The following PLCE1 variants were observed in gnomAD, a reference collection of about 807,000 sequenced individuals.
PLCE1 encodes the protein phospholipase C epsilon 1, also known as 1-phosphatidylinositol 4,5-bisphosphate phosphodiesterase epsilon-1.
A neutral mutation model predicts 242.8 loss-of-function variants in PLCE1; 119 were observed. That is an observed-to-expected ratio of 0.49 (90% CI 0.42 to 0.57). The LOEUF is 0.57. PLCE1 is among the 20% of genes least tolerant of loss of function. The probability of loss-of-function intolerance (pLI) is 0.00; values close to 1 mark genes in which losing one functional copy is unlikely to be tolerated. For missense variants in PLCE1, 2,441 were observed against 2,788.8 expected, an observed-to-expected ratio of 0.88 and a Z score of 2.81; for synonymous variants, 945 against 1,017.4, an observed-to-expected ratio of 0.93 and a Z score of 1.35.
chr10:94,101,697 G>T (rs1307466912), intron 2 of PLCE1, among the ~76,000 whole-genome samples: 1 of 152,202 alleles, frequency 6.6e-6, no homozygotes, highest in African/African-American at 2.4e-5. Context: ...GCAGGAGTGA[G>T]TCAGAGAGCC....
At chr10:94,223,275 G>A (rs1365626499) in intron 4 of PLCE1, among the ~76,000 whole-genome samples, 1 of 149,136 alleles carries the variant, frequency 6.7e-6, no homozygotes, top group Non-Finnish European at 1.5e-5. Flanking sequence ...TGATGGGGAA[G>A]CCTTCCTGCA....
intron 4 of PLCE1, among the ~76,000 whole-genome samples, chr10:94,225,668 A>T (rs1231826791): frequency 6.6e-6 from 1 of 152,190 alleles, no homozygotes; most frequent in Non-Finnish European, 1.5e-5. Context: ...GTCAACTTTC[A>T]CCAGATGAAA....
chr10:94,140,962 T>A (rs903118010), intron 3 of PLCE1, among the ~76,000 whole-genome samples: 1 of 152,364 alleles, frequency 6.6e-6, no homozygotes, highest in Admixed American at 6.5e-5. Context: ...CTATGGCACC[T>A]AAGAATGGAG....
At chr10:94,309,701 T>G (rs1334673024) in intron 27 of PLCE1, among the ~76,000 whole-genome samples, 1 of 152,178 alleles carries the variant, frequency 6.6e-6, no homozygotes, top group African/African-American at 2.4e-5. Flanking sequence ...TGAGGACACT[T>G]GGACCATGGC....
At chr10:93,995,947 T>C (rs562973929) in intron 1 of PLCE1, among the ~76,000 whole-genome samples, 2 of 152,376 alleles carry the variant, frequency 1.3e-5, no homozygotes, top group East Asian at 1.9e-4. Context: ...TTGTATACTT[T>C]AAAAAAACTG....
chr10:94,319,864 C>CTTTTTTTTTTTTTTTTTTTTTTTTT (rs58610099), intron 29 of PLCE1, among the ~76,000 whole-genome samples: 6 of 92,938 alleles, frequency 6.5e-5, no homozygotes, highest in African/African-American at 1.1e-4. Flanking sequence ...CAAAGGTGCT[C>CTTTTTTTTTTTTTTTTTTTTTTTTT]TTTTTTTTTT....
chr10:94,265,883 C>T lies in PLCE1; in HGVS notation c.4206C>T (p.Tyr1402=). The stretch of plus-strand genomic sequence containing the variant: ...TGCAGCTACCCCTCTCATACTATTA[C>T]ATCGAATCTTCGCACAATACCTACC... ...KELQLPLSYY[Y]IESSHNTYLT... The change falls in exon 16 of 33, where the codon TAC becomes TAT. Residue 1402 remains tyrosine, a synonymous_variant. Coordinates refer to ENST00000371380, the MANE Select transcript of PLCE1 (RefSeq NM_016341.4). 1 of 1,614,044 alleles carries T rather than the reference C, an allele frequency of 6.2e-7. No individual in the cohort carries two copies. The highest frequency in any genetic ancestry group is 2.2e-5 in the East Asian group (1 of 44,870).
rs772621903 is a variant in PLCE1, at chr10:94,171,218, C to T, written c.1531C>T (p.Leu511Phe). 1.2e-5 allele frequency: 19 copies of T among 1,614,080 alleles called. No individual in the cohort carries two copies. The highest frequency in any genetic ancestry group is 5.3e-5 in the African/African-American group (4 of 74,928). The change falls in exon 4 of 33, where the codon CTC becomes TTC. Residue 511 changes from leucine to phenylalanine, a missense_variant. Physicochemically the swap from Leu to Phe is conservative, Grantham distance 22. This residue lies in a region of PLCE1 where 733 missense variants were observed against 754.2 expected (regional missense o/e 0.97). Coordinates refer to ENST00000371380, the MANE Select transcript of PLCE1 (RefSeq NM_016341.4). ...CCCCTCTGTGGCCAATTCCAATGCC[C>T]TCCCTTCAAGTTCAGCTGGGATCAG... ...PGPSVANSNALPSSSAGISKE... is the reference protein window; with the variant it reads ...PGPSVANSNAFPSSSAGISKE...
intron 1 of PLCE1, among the ~76,000 whole-genome samples, chr10:94,021,669 A>G (rs1279472702): frequency 1.3e-5 from 2 of 152,168 alleles, no homozygotes; most frequent in African/African-American, 4.8e-5. Context: ...TCTTGAAATT[A>G]GGTTAACTTC....
chr10:94,202,524 A>G (rs1590235822), intron 4 of PLCE1, among the ~76,000 whole-genome samples: 2 of 152,084 alleles, frequency 1.3e-5, no homozygotes, highest in African/African-American at 4.8e-5. Flanking sequence ...CCTAATTCAC[A>G]AGGCTCAGGG....
At chr10:94,303,586 A>C (rs1041317226) in intron 24 of PLCE1, among the ~76,000 whole-genome samples, 4 of 152,248 alleles carry the variant, frequency 2.6e-5, no homozygotes, top group Non-Finnish European at 5.9e-5. Flanking sequence ...TGAGATTTCA[A>C]GGAAAAGCAT....
At chr10:94,050,759 T>C (rs2043742823) in intron 2 of PLCE1, among the ~76,000 whole-genome samples, 1 of 152,276 alleles carries the variant, frequency 6.6e-6, no homozygotes, top group Non-Finnish European at 1.5e-5. Context: ...GAGAAGTTTT[T>C]CCTAAACATG....
At chr10:94,139,041 G>A (rs1226789654) in intron 3 of PLCE1, 1 of 153,062 alleles carries the variant, frequency 6.5e-6, no homozygotes, top group Non-Finnish European at 1.5e-5. Context: ...CCAGCACTTT[G>A]GGAGGCCAAG....
At chr10:94,290,583 A>G (rs1408461616) in intron 22 of PLCE1, among the ~76,000 whole-genome samples, 2 of 151,832 alleles carry the variant, frequency 1.3e-5, no homozygotes, top group African/African-American at 4.8e-5. Context: ...GACAATAACA[A>G]GCATGGAGCT....
intron 3 of PLCE1, among the ~76,000 whole-genome samples, chr10:94,162,019 G>T (rs956650238): frequency 1.3e-4 from 20 of 152,168 alleles, no homozygotes; most frequent in African/African-American, 4.6e-4. Context: ...CTTGGTCATG[G>T]TGGATAAGCT....
At chr10:94,151,020 G>C (rs2047257123) in intron 3 of PLCE1, among the ~76,000 whole-genome samples, 1 of 152,228 alleles carries the variant, frequency 6.6e-6, no homozygotes, top group South Asian at 2.1e-4. Flanking sequence ...AGTCTCTCCA[G>C]AGAGAGGCCA....
At chr10:94,203,171 G>A (rs2049036038) in intron 4 of PLCE1, among the ~76,000 whole-genome samples, 1 of 152,186 alleles carries the variant, frequency 6.6e-6, no homozygotes, top group Non-Finnish European at 1.5e-5. Context: ...AGGAGAACTA[G>A]AATTCAGGGA....
intron 2 of PLCE1, among the ~76,000 whole-genome samples, chr10:94,049,477 G>T (rs1199391171): frequency 6.6e-6 from 1 of 152,070 alleles, no homozygotes; most frequent in Non-Finnish European, 1.5e-5. Flanking sequence ...CTTTAATTTA[G>T]TTCATTGGTT....
At chr10:94,193,064 C>A (rs1376959990) in intron 4 of PLCE1, among the ~76,000 whole-genome samples, 1 of 152,172 alleles carries the variant, frequency 6.6e-6, no homozygotes, top group Non-Finnish European at 1.5e-5. Flanking sequence ...TGAGTAGTTG[C>A]AACAAAGATC....
Sources: gnomAD v4.1 joint callset for allele counts (sites outside exome capture counted in the v4.1 genomes callset) on GRCh38, gnomAD v4.1.1 for gene constraint, gnomAD v4.1.1 regional missense constraint, MANE v1.5 for transcripts, NCBI Gene and HGNC (gene_info 2026-07-23, HGNC 2026-07-21) for gene names.